Variants in KIF14 observed in about 807,000 individuals in gnomAD.
KIF14 encodes kinesin family member 14.
KIF14 carries 98 observed loss-of-function variants against 176.2 expected under a neutral mutation model. The observed-to-expected ratio is 0.56, with a 90% CI of 0.47 to 0.66. The LOEUF (loss-of-function observed/expected upper bound fraction) is 0.66, where lower values mean the gene tolerates loss of function less well. Among genes scored for constraint, KIF14 ranks in the 30% least tolerant of loss-of-function variants. The pLI is 0.00. For missense variants in KIF14, 1,751 were observed against 1,920.4 expected (o/e 0.91, Z 1.65); for synonymous variants, 566 against 632.2 (o/e 0.90, Z 1.57).
intron 8 of KIF14, 35 bp from the exon 9 acceptor site, chr1:200,603,990 T>C: frequency 7.9e-7 from 1 of 1,265,696 alleles, no homozygotes; most frequent in Non-Finnish European, 1.2e-6. Context: ...AATTAAGTTC[T>C]ATTACTTCCA....
chr1:200,566,184 T>G (rs6688734), intron 23 of KIF14, among the ~76,000 whole-genome samples: 33,613 of 152,062 alleles, frequency 0.22, 5,199 homozygotes, highest in African/African-American at 0.43. Flanking sequence ...GCTCCCTGAC[T>G]ATACTATGAG....
At position 200,591,939 on chromosome 1, in the gene KIF14, T is replaced by C. The variant is rs6675816; in HGVS notation, c.2813+141A>G. On this transcript the variant is annotated intron_variant, in intron 16 of 29. Transcript: ENST00000367350. The stretch of plus-strand genomic sequence containing the variant: ...GATGGTCAATATATATTTGGTGAAC[T>C]AATGAATGTACTAAGAGAAAAAATT... The C allele has an allele frequency of 0.16, 101,816 of 622,126 alleles. 11,327 individuals carry two copies. Among genetic ancestry groups the C allele is most frequent in the African/African-American group, 0.43 (23,214 of 54,158 alleles). 38.5% of individuals were successfully genotyped at this position (622,126 alleles called of 1,614,324 possible). A position where few individuals can be genotyped will look rare whatever the true frequency, so the allele number is the denominator to read the frequency against.
At chr1:200,611,030 C>T (rs1211066321) in intron 4 of KIF14, among the ~76,000 whole-genome samples, 2 of 152,146 alleles carry the variant, frequency 1.3e-5, no homozygotes, top group Non-Finnish European at 2.9e-5. Flanking sequence ...AGAAAGCAAT[C>T]ATTAGATTAA....
chr1:200,581,915 G>A (rs1184234738), intron 19 of KIF14, among the ~76,000 whole-genome samples: 1 of 151,822 alleles, frequency 6.6e-6, no homozygotes, highest in African/African-American at 2.4e-5. Context: ...AACTACAGGT[G>A]CATGCCACCA....
intron 5 of KIF14, among the ~76,000 whole-genome samples, chr1:200,608,197 CTA>C (rs1406666513): frequency 6.6e-6 from 1 of 151,978 alleles, no homozygotes; most frequent in African/African-American, 2.4e-5. Flanking sequence ...AAAAGTTTTA[CTA>C]TGTTTTGGCT....
chr1:200,618,340 A>ATCTGTT lies in KIF14; in HGVS notation c.378_383dup (p.Thr127_Asp128insGluThr). The ATCTGTT allele has an allele frequency of 6.2e-7, 1 of 1,613,988 alleles. No individual in the cohort carries two copies. ...CAGCTGTTTTCCACTTTTCTGCAGA[A>ATCTGTT]TCTGTTTTAGCACGACGTTGTAATG... On this transcript the variant is annotated inframe_insertion, in exon 2 of 30. Transcript: ENST00000367350.
intron 5 of KIF14, among the ~76,000 whole-genome samples, chr1:200,607,789 C>T (rs1350668094): frequency 2.6e-5 from 4 of 152,040 alleles, no homozygotes; most frequent in African/African-American, 9.7e-5. Context: ...GAAACCTCTG[C>T]CCCCGGGTTC....
chr1:200,581,571 A>T (rs989523481), intron 19 of KIF14, among the ~76,000 whole-genome samples: 1 of 151,784 alleles, frequency 6.6e-6, no homozygotes, highest in African/African-American at 2.4e-5. Flanking sequence ...CTAGAAAAAA[A>T]TTTTTTTTCT....
chr1:200,603,364 T>C, intron 9 of KIF14, 23 bp from the exon 10 acceptor site: 4 of 1,245,922 alleles, frequency 3.2e-6, no homozygotes, highest in Non-Finnish European at 4.6e-6. Flanking sequence ...AAAAAAAAAT[T>C]TTTAACTTAA....
At chr1:200,555,289 G>T in intron 28 of KIF14, 91 bp downstream of exon 28, 1 of 804,102 alleles carries the variant, frequency 1.2e-6, no homozygotes, top group South Asian at 1.7e-5. Flanking sequence ...CTCTGGCTAA[G>T]GATAAACACT....
At chr1:200,576,972 GGCAC>G (rs1311800725) in intron 21 of KIF14, among the ~76,000 whole-genome samples, 2 of 151,914 alleles carry the variant, frequency 1.3e-5, no homozygotes, top group African/African-American at 4.8e-5. Context: ...TGGGACTCCA[GGCAC>G]GCAACACCAC....
At chr1:200,606,246 A>G (rs1217549258) in intron 6 of KIF14, among the ~76,000 whole-genome samples, 1 of 152,192 alleles carries the variant, frequency 6.6e-6, no homozygotes, top group Non-Finnish European at 1.5e-5. Flanking sequence ...ATACAATCCC[A>G]GATGTATTAA....
At chr1:200,584,215 C>CA (rs71135371) in intron 19 of KIF14, among the ~76,000 whole-genome samples, 58,507 of 135,076 alleles carry the variant, frequency 0.43, 13,301 homozygotes, top group African/African-American at 0.56. Context: ...GACTCTGTTT[C>CA]AAAAAAAAAA....
intron 14 of KIF14, among the ~76,000 whole-genome samples, chr1:200,597,117 C>T (rs1341217333): frequency 6.6e-6 from 1 of 151,568 alleles, no homozygotes; most frequent in Admixed American, 6.6e-5. Context: ...CCAGGCTGGA[C>T]TCAAACTCCT....
At chr1:200,576,905 G>C (rs1411393147) in intron 21 of KIF14, among the ~76,000 whole-genome samples, 2 of 150,674 alleles carry the variant, frequency 1.3e-5, no homozygotes, top group Non-Finnish European at 3.0e-5. Context: ...TGGGATTATA[G>C]GGCAACCTTG....
chr1:200,566,321 G>A (rs531088280), intron 23 of KIF14, among the ~76,000 whole-genome samples: 4 of 150,724 alleles, frequency 2.7e-5, no homozygotes, highest in Non-Finnish European at 3.0e-5. Flanking sequence ...GGCCAGGCAC[G>A]GTGGCTCATG....
In KIF14 at chr1:200,598,334, A is replaced by G; in HGVS notation, c.2452T>C (p.Tyr818His). 6.2e-7 allele frequency: 1 copy of G among 1,613,368 alleles called. No homozygotes were observed. Among genetic ancestry groups the G allele is most frequent in the Non-Finnish European group, 8.5e-7 (1 of 1,179,590 alleles). ...GTAGTTGTTCCTTCTTTTATCATAT[A>G]TAGCAGCATCTCAGATAGTTGTGGA... ...EDPQLSEMLL[Y>H]MIKEGTTTVG... Residue 818 changes from tyrosine to histidine, a missense_variant, in exon 14 of 30, where the codon TAT (tyrosine) becomes CAT (histidine). Tyr to His is a moderately conservative substitution (Grantham distance 83). Transcript: ENST00000367350.
intron 16 of KIF14, among the ~76,000 whole-genome samples, chr1:200,591,322 A>G (rs927559664): frequency 6.6e-6 from 1 of 152,028 alleles, no homozygotes; most frequent in Admixed American, 6.6e-5. Flanking sequence ...TAATCACACT[A>G]TATTTACCTT....
chr1:200,601,298 T>A (rs1659614005), intron 11 of KIF14, among the ~76,000 whole-genome samples: 1 of 152,172 alleles, frequency 6.6e-6, no homozygotes, highest in South Asian at 2.1e-4. Flanking sequence ...ACATCTGAAG[T>A]GTCTATCACC....
Sources: allele counts gnomAD v4.1 joint callset (sites outside exome capture counted in the v4.1 genomes callset), GRCh38; gene constraint gnomAD v4.1.1; transcripts MANE v1.5; gene names NCBI Gene and HGNC (gene_info 2026-07-23, HGNC 2026-07-21).